The following SAFB variants were observed in gnomAD, a reference collection of about 807,000 sequenced individuals.
SAFB encodes the protein scaffold attachment factor B1.
A neutral mutation model predicts 101.6 loss-of-function variants in SAFB; 15 were observed. The observed-to-expected ratio is 0.15, with a 90% confidence interval of 0.10 to 0.23. The LOEUF (loss-of-function observed/expected upper bound fraction) is 0.23, where lower values mean the gene tolerates loss of function less well. Ranked by LOEUF, SAFB falls within the 10% of genes least tolerant of loss-of-function variation. SAFB has a pLI of 1.00. For missense variants in SAFB, 930 were observed against 1,104.1 expected (o/e 0.84, Z 2.23); for synonymous variants, 449 against 407.5 (o/e 1.10, Z -1.23).
At chr19:5,648,476 A>G in intron 6 of SAFB, 1 of 276,806 alleles carries the variant, frequency 3.6e-6, no homozygotes, top group Non-Finnish European at 6.9e-6. Context: ...TTTGAGACAT[A>G]ACTGGATTCC....
intron 6 of SAFB, 161 bp downstream of exon 6, chr19:5,648,204 A>C (rs957974698): frequency 2.7e-4 from 158 of 594,732 alleles, no homozygotes; most frequent in Admixed American, 1.0e-4. Context: ...GAGATTGGAA[A>C]CCCAGCCATA....
At chr19:5,660,971 C>T (rs942954216) in intron 14 of SAFB, among the ~76,000 whole-genome samples, 12 of 121,380 alleles carry the variant, frequency 9.9e-5, no homozygotes, top group African/African-American at 1.6e-4. Flanking sequence ...TTTCTGTTGC[C>T]GGGCTGGAGT....
At chr19:5,666,943 C>T (rs2054339344) in intron 17 of SAFB, 103 bp from the exon 18 acceptor site, 6 of 806,090 alleles carry the variant, frequency 7.4e-6, no homozygotes, top group South Asian at 4.0e-5. Context: ...ACTTCTGTCC[C>T]GAGTGACTGT....
intron 15 of SAFB, among the ~76,000 whole-genome samples, chr19:5,663,705 G>A (rs935670135): frequency 6.6e-6 from 1 of 152,178 alleles, no homozygotes; most frequent in Non-Finnish European, 1.5e-5. Context: ...GGAGGCTCAC[G>A]TGGTCTTCCT....
intron 1 of SAFB, among the ~76,000 whole-genome samples, chr19:5,625,854 C>T (rs908021447): frequency 6.6e-6 from 1 of 152,158 alleles, no homozygotes; most frequent in Non-Finnish European, 1.5e-5. Context: ...TCATGCATGT[C>T]GTGACGGGTC....
chr19:5,664,299 G>T (rs1468466214), intron 16 of SAFB, 98 bp from the exon 17 acceptor site: 1 of 1,447,358 alleles, frequency 6.9e-7, no homozygotes, highest in East Asian at 2.3e-5. Context: ...CCTGCCTTCA[G>T]TTAGGGAAAT....
At position 5,667,260 on chromosome 19, in the gene SAFB, G is replaced by C. The variant is rs982612554; in HGVS notation, c.2454-87G>C. 7.9e-7 allele frequency: 1 copy of C among 1,263,104 alleles called. No individual in the cohort carries two copies. Among genetic ancestry groups the C allele is most frequent in the African/African-American group, 1.5e-5 (1 of 66,052 alleles). The allele number at this position is 1,263,104 out of a possible 1,614,324, so 78.2% of individuals were successfully genotyped here. ...GTGGGCACAGGGTGGGAAACACAGA[G>C]GGATTCACTCTCCAGAAGCCGCCAC... is the stretch of plus-strand genomic sequence containing the variant. On this transcript the variant is annotated intron_variant, in intron 18 of 20. Coordinates refer to ENST00000588852, the MANE Select transcript of SAFB (RefSeq NM_001201338.2). This position sits in a 1 kb window ranked among gnomAD's most constrained non-coding sequence, Gnocchi z 4.0.
chr19:5,624,189 G>A (rs2053281607), intron 1 of SAFB: 1 of 151,218 alleles, frequency 6.6e-6, no homozygotes, highest in Non-Finnish European at 1.5e-5. Context: ...GGGCATAGGA[G>A]ACCTTGAACC....
chr19:5,625,676 T>C (rs2053342356), intron 1 of SAFB, among the ~76,000 whole-genome samples: 1 of 152,196 alleles, frequency 6.6e-6, no homozygotes, highest in African/African-American at 2.4e-5. Flanking sequence ...TGCCAGGCAC[T>C]GTGCTGAGGA....
At chr19:5,623,897 A>T (rs1357147013) in intron 1 of SAFB, 1 of 153,340 alleles carries the variant, frequency 6.5e-6, no homozygotes, top group Admixed American at 6.5e-5. Context: ...GGGCTGATTT[A>T]CAAAGGAAAC....
At chr19:5,647,575 G>T (rs1307361957) in intron 5 of SAFB, among the ~76,000 whole-genome samples, 30 of 152,206 alleles carry the variant, frequency 2.0e-4, no homozygotes. Flanking sequence ...CCAAGTAAGA[G>T]CAGGAGTCAT....
At chr19:5,653,984 G>T (rs185190515) in intron 11 of SAFB, 77 bp from the exon 12 acceptor site, 26 of 1,419,348 alleles carry the variant, frequency 1.8e-5, no homozygotes, top group Non-Finnish European at 2.2e-5. Flanking sequence ...CATGTGATCC[G>T]CCCGCCTCAT....
intron 4 of SAFB, among the ~76,000 whole-genome samples, chr19:5,642,355 G>T (rs2053734463): frequency 6.6e-6 from 1 of 152,124 alleles, no homozygotes; most frequent in Non-Finnish European, 1.5e-5. Flanking sequence ...GAAAGCTGAG[G>T]TGGAAGGAGC....
intron 2 of SAFB, among the ~76,000 whole-genome samples, chr19:5,630,243 T>A (rs752908916): frequency 6.6e-6 from 1 of 152,248 alleles, no homozygotes; most frequent in Non-Finnish European, 1.5e-5. Context: ...TCACAGATTA[T>A]ACTCTTCTGA....
At chr19:5,662,529 G>A (rs575486796) in intron 15 of SAFB, among the ~76,000 whole-genome samples, 20 of 152,000 alleles carry the variant, frequency 1.3e-4, no homozygotes, top group African/African-American at 4.8e-4. Flanking sequence ...GCTGGATAAA[G>A]TAGTGCTGGT....
Position 5,661,792 on chromosome 19 carries a change from C to T in SAFB, c.2137C>T (p.Pro713Ser). ...GGAGCGGCGGCCCGCGGTGCGGCGG[C>T]CCTACGACCTGGACCGGTAAGCAGA... ...EQERRPAVRR[P>S]YDLDRRDDAY... Residue 713 changes from proline (P) to serine (S), a missense_variant, in exon 15 of 21, where the codon CCC becomes TCC. By Grantham distance (74) the Pro-to-Ser change is moderately conservative (BLOSUM62 -1). Around this residue, in one of 7 missense-constraint regions of SAFB, gnomAD observed 318 missense variants for 342.6 expected, o/e 0.93. Coordinates refer to ENST00000588852, the MANE Select transcript of SAFB (RefSeq NM_001201338.2). 2 of 1,551,458 alleles carry T rather than the reference C, an allele frequency of 1.3e-6. No individual in the cohort carries two copies. The highest frequency in any genetic ancestry group is 1.2e-5 in the South Asian group (1 of 84,398).
intron 13 of SAFB, among the ~76,000 whole-genome samples, chr19:5,655,578 G>T (rs2054041046): frequency 6.6e-6 from 1 of 151,870 alleles, no homozygotes; most frequent in African/African-American, 2.4e-5. Context: ...CCAGTTGCCA[G>T]CCAAGGACCA....
intron 1 of SAFB, 57 bp downstream of exon 1, chr19:5,623,451 G>C: frequency 1.4e-6 from 2 of 1,477,922 alleles, no homozygotes; most frequent in Non-Finnish European, 1.8e-6. Context: ...TCTTGGCCGC[G>C]ACGGTGGCTC....
chr19:5,664,109 C>T lies in SAFB; in HGVS notation c.2241C>T (p.His747=), dbSNP rs746487162. ...ACTTTAACCGCCAGGACCGCTTCCA[C>T]GACTTTGACCACAGGGACCGCGGCC... ...HSDFNRQDRF[H]DFDHRDRGRY... The change falls in exon 16 of 21, where the codon CAC becomes CAT. Residue 747 remains histidine, a synonymous_variant. Transcript: ENST00000588852. The T allele has an allele frequency of 1.2e-5, 19 of 1,613,960 alleles. No homozygotes were observed. Among genetic ancestry groups the T allele is most frequent in the East Asian group, 2.2e-5 (1 of 44,900 alleles).
Sources: allele counts gnomAD v4.1 joint callset (sites outside exome capture counted in the v4.1 genomes callset), GRCh38; gene constraint gnomAD v4.1.1; regional missense constraint gnomAD v4.1.1; non-coding constraint Gnocchi (gnomAD v3.1); transcripts MANE v1.5; gene names NCBI Gene and HGNC (gene_info 2026-07-23, HGNC 2026-07-21).